The following DIS3L2 variants were observed in gnomAD, a reference collection of about 807,000 sequenced individuals.
DIS3L2 encodes the protein DIS3 like 3'-5' exoribonuclease 2, also known as DIS3-like exonuclease 2.
In DIS3L2, 34 loss-of-function variants were observed where a neutral mutation model predicts 97.5. The observed-to-expected ratio is 0.35, with a 90% CI of 0.27 to 0.46. DIS3L2 has a LOEUF of 0.46. Ranked by LOEUF, DIS3L2 falls within the 20% of genes least tolerant of loss-of-function variation. The probability of loss-of-function intolerance (pLI) is 1.00; values close to 1 mark genes in which losing one functional copy is unlikely to be tolerated. For missense variants in DIS3L2, 1,038 were observed against 1,146.0 expected (o/e 0.91, Z 1.36); for synonymous variants, 435 against 445.2 (o/e 0.98, Z 0.29).
intron 10 of DIS3L2, among the ~76,000 whole-genome samples, chr2:232,234,776 C>A (rs957773202): frequency 6.6e-6 from 1 of 152,204 alleles, no homozygotes; most frequent in Non-Finnish European, 1.5e-5. Context: ...GTATGAGCCC[C>A]ATTAGACCGA....
chr2:231,971,192 T>C (rs556995973), intron 1 of DIS3L2, among the ~76,000 whole-genome samples: 1 of 152,338 alleles, frequency 6.6e-6, no homozygotes, highest in Admixed American at 6.5e-5. Context: ...AATTGTACTT[T>C]AGGTTTGGAG....
chr2:232,311,656 T>A (rs10933388), intron 14 of DIS3L2, among the ~76,000 whole-genome samples: 23,631 of 152,180 alleles, frequency 0.16, 2,921 homozygotes, highest in African/African-American at 0.34. Context: ...ACCATTGTTA[T>A]CTTCTAACAC....
rs754036208 is a variant in DIS3L2 at position 232,024,261 on chromosome 2, A to G, written c.211-16A>G. ...ATATAGCTAGATTTTCACAAACTTT[A>G]TTTTTTGTTTTAAAGGGTGTATTGA... On this transcript the variant is annotated splice_polypyrimidine_tract_variant and intron_variant, in intron 3 of 20. Coordinates refer to ENST00000325385, the MANE Select transcript of DIS3L2 (RefSeq NM_152383.5). 6.4e-7 allele frequency: 1 copy of G among 1,566,996 alleles called. No individual in the cohort carries two copies. The highest frequency in any genetic ancestry group is 1.4e-5 in the African/African-American group (1 of 72,948).
chr2:231,995,698 C>T (rs957940254), intron 1 of DIS3L2, among the ~76,000 whole-genome samples: 2 of 152,152 alleles, frequency 1.3e-5, no homozygotes, highest in Non-Finnish European at 2.9e-5. Context: ...TTTTTAGCTC[C>T]TGGGGATTTT....
chr2:232,271,134 G>C (rs1693998770), intron 13 of DIS3L2, among the ~76,000 whole-genome samples: 1 of 152,176 alleles, frequency 6.6e-6, no homozygotes, highest in Admixed American at 6.5e-5. Context: ...TGAAAGAGGT[G>C]GTTGACAGTA....
rs764800871 is a variant in DIS3L2 at position 232,238,570 on chromosome 2, T to C, written c.1242T>C (p.Ser414=). The change falls in exon 11 of 21, where the codon AGT becomes AGC. Residue 414 remains serine (S), a synonymous_variant. Transcript: ENST00000325385. ...FKVGVHIADV[S]YFVPEGSDLD... ...TGGGAGTTCACATTGCTGACGTGAG[T>C]TACTTTGTTCCGGAGGGATCTGATC... 6.2e-7 allele frequency: 1 copy of C among 1,614,212 alleles called. No homozygotes were observed. Among genetic ancestry groups the C allele is most frequent in the Non-Finnish European group, 8.5e-7 (1 of 1,180,034 alleles).
intron 3 of DIS3L2, among the ~76,000 whole-genome samples, chr2:232,020,225 G>A (rs1694474693): frequency 3.9e-5 from 6 of 152,172 alleles, no homozygotes; most frequent in Admixed American, 3.9e-4. Flanking sequence ...AGTCACTGAA[G>A]GCTCTTAAGC....
intron 1 of DIS3L2, among the ~76,000 whole-genome samples, chr2:231,977,034 G>A (rs1244879436): frequency 6.6e-6 from 1 of 152,102 alleles, no homozygotes. Context: ...CCCACGCCTG[G>A]GATTACGGGT....
intron 12 of DIS3L2, among the ~76,000 whole-genome samples, chr2:232,256,416 T>C (rs1574975553): frequency 6.6e-6 from 1 of 152,364 alleles, no homozygotes; most frequent in East Asian, 1.9e-4. Flanking sequence ...TGCCCCTTCC[T>C]TGTAGCTGAG....
At chr2:232,329,785 T>TGCCCGGGGGGGAC in intron 14 of DIS3L2, 28 bp from the exon 15 acceptor site, 1 of 967,144 alleles carries the variant, frequency 1.0e-6, no homozygotes, top group Non-Finnish European at 1.5e-6. Context: ...ACCCCAGCGG[T>TGCCCGGGGGGGAC]CCCTCCCATC....
intron 8 of DIS3L2, among the ~76,000 whole-genome samples, chr2:232,149,645 C>A (rs1222020951): frequency 1.1e-5 from 1 of 94,146 alleles, no homozygotes; most frequent in East Asian, 2.9e-4. Flanking sequence ...TGAATAGTGC[C>A]GCAATAAACA....
intron 14 of DIS3L2, among the ~76,000 whole-genome samples, chr2:232,326,198 C>T (rs1223089600): frequency 6.6e-6 from 1 of 152,264 alleles, no homozygotes; most frequent in East Asian, 1.9e-4. Context: ...AGAGGCTGGG[C>T]GCCACCTGCT....
chr2:232,063,630 A>G (rs1433744571), intron 5 of DIS3L2, among the ~76,000 whole-genome samples: 1 of 152,170 alleles, frequency 6.6e-6, no homozygotes, highest in Non-Finnish European at 1.5e-5. Flanking sequence ...GCATTCTGCC[A>G]TGTTAATTAA....
At chr2:232,329,785 T>TCCCCGGGGGGGGGGCCCCC in intron 14 of DIS3L2, 28 bp from the exon 15 acceptor site, 7 of 967,126 alleles carry the variant, frequency 7.2e-6, no homozygotes, top group Non-Finnish European at 8.7e-6. Context: ...ACCCCAGCGG[T>TCCCCGGGGGGGGGGCCCCC]CCCTCCCATC....
chr2:232,207,811 C>T (rs1241837082), intron 9 of DIS3L2, among the ~76,000 whole-genome samples: 1 of 152,098 alleles, frequency 6.6e-6, no homozygotes, highest in East Asian at 1.9e-4. Flanking sequence ...TACAAGATAG[C>T]TAAATATATG....
chr2:232,339,890 G>T (rs961102648), downstream of DIS3L2, among the ~76,000 whole-genome samples: 1 of 152,194 alleles, frequency 6.6e-6, no homozygotes, highest in South Asian at 2.1e-4. Flanking sequence ...GGGAGGAAGT[G>T]GATTGAGTTG....
intron 8 of DIS3L2, among the ~76,000 whole-genome samples, chr2:232,157,874 G>C (rs75057193): frequency 3.4e-3 from 518 of 152,306 alleles, no homozygotes; most frequent in African/African-American, 0.012. Flanking sequence ...TGCAGCGATG[G>C]GGACATACAC....
chr2:232,331,343 A>AC (rs1695730241), intron 16 of DIS3L2, among the ~76,000 whole-genome samples: 1 of 152,074 alleles, frequency 6.6e-6, no homozygotes, highest in Admixed American at 6.5e-5. Context: ...ACCCCAGAGG[A>AC]CCCTCGGGTC....
At chr2:232,294,548 C>T (rs985464658) in intron 13 of DIS3L2, among the ~76,000 whole-genome samples, 1 of 152,180 alleles carries the variant, frequency 6.6e-6, no homozygotes, top group Non-Finnish European at 1.5e-5. Context: ...TACCCAGACC[C>T]TTGGCTCTCC....
Sources: allele counts gnomAD v4.1 joint callset (sites outside exome capture counted in the v4.1 genomes callset), GRCh38; gene constraint gnomAD v4.1.1; transcripts MANE v1.5; gene names NCBI Gene and HGNC (gene_info 2026-07-23, HGNC 2026-07-21).